The following CNBD1 variants were observed in gnomAD, a reference collection of about 807,000 sequenced individuals.
CNBD1 encodes cyclic nucleotide binding domain containing 1, also known as cyclic nucleotide-binding domain-containing protein 1.
In CNBD1, 71 loss-of-function variants were observed where a neutral mutation model predicts 54.4. The ratio of observed to expected loss-of-function variants is 1.30; its 90% CI spans 1.08 to 1.59. CNBD1 has a LOEUF of 1.59. Among genes scored for constraint, CNBD1 ranks in the 40% most tolerant of loss-of-function variants. CNBD1 has a pLI of 0.00. For synonymous variants in CNBD1, 182 were observed against 170.7 expected (o/e 1.07, Z -0.51); for missense variants, 659 against 518.0 (o/e 1.27, Z -2.64).
intron 8 of CNBD1, among the ~76,000 whole-genome samples, chr8:87,327,035 A>C (rs1809685144): frequency 6.7e-6 from 1 of 150,060 alleles, no homozygotes. Flanking sequence ...CAGCACCCTC[A>C]GCTGCAGATC....
intron 6 of CNBD1, among the ~76,000 whole-genome samples, chr8:87,260,185 C>A (rs1808106923): frequency 6.6e-6 from 1 of 152,134 alleles, no homozygotes; most frequent in Non-Finnish European, 1.5e-5. Flanking sequence ...TTTAACTACT[C>A]CAGATAATTT....
At chr8:87,365,033 G>T (rs973332379) in intron 10 of CNBD1, among the ~76,000 whole-genome samples, 1 of 152,142 alleles carries the variant, frequency 6.6e-6, no homozygotes, top group Non-Finnish European at 1.5e-5. Flanking sequence ...GGATCAAATG[G>T]TAGTTCTTGT....
At chr8:86,944,106 A>G (rs1807404906) in intron 4 of CNBD1, among the ~76,000 whole-genome samples, 1 of 152,204 alleles carries the variant, frequency 6.6e-6, no homozygotes. Context: ...GCAATTGGCA[A>G]AGGGGCAGCA....
intron 4 of CNBD1, among the ~76,000 whole-genome samples, chr8:87,186,170 A>C (rs530900287): frequency 2.6e-5 from 4 of 152,070 alleles, no homozygotes; most frequent in Non-Finnish European, 4.4e-5. Context: ...ATTTTTTTCT[A>C]TAGTAATTTG....
intron 4 of CNBD1, among the ~76,000 whole-genome samples, chr8:87,010,777 A>T (rs939312919): frequency 6.6e-6 from 1 of 152,162 alleles, no homozygotes; most frequent in African/African-American, 2.4e-5. Flanking sequence ...CCATTCTGTG[A>T]TAAAATTCTC....
chr8:87,275,951 A>T lies in CNBD1; in HGVS notation c.772-8727A>T, dbSNP rs553479655. Among the ~76,000 whole-genome samples the T allele has an allele frequency of 2.6e-5, 4 of 152,128 alleles. No individual in the cohort carries two copies. In the South Asian group the frequency reaches 6.2e-4, roughly 24 times the overall value. On this transcript the variant is annotated intron_variant, in intron 6 of 10. Transcript: ENST00000518476. ...ATAACAGACAGAGAGCCAAATCATG[A>T]GTGAACTCCCATTCACAATTGCTTC... is the stretch of plus-strand genomic sequence containing the variant.
intron 8 of CNBD1, among the ~76,000 whole-genome samples, chr8:87,287,367 G>T (rs564008154): frequency 6.6e-6 from 1 of 152,244 alleles, no homozygotes; most frequent in African/African-American, 2.4e-5. Context: ...AAACACAATT[G>T]CTACATGAGA....
intron 4 of CNBD1, among the ~76,000 whole-genome samples, chr8:86,939,985 T>C (rs964192571): frequency 1.3e-5 from 2 of 152,138 alleles, no homozygotes; most frequent in Non-Finnish European, 2.9e-5. Flanking sequence ...TGACCCATTA[T>C]TTTAAAATTA....
chr8:86,983,062 G>A (rs1373736713), intron 4 of CNBD1, among the ~76,000 whole-genome samples: 1 of 152,190 alleles, frequency 6.6e-6, no homozygotes, highest in Non-Finnish European at 1.5e-5. Flanking sequence ...ATGATGCTGA[G>A]TGATATGGTT....
intron 2 of CNBD1, among the ~76,000 whole-genome samples, chr8:87,394,531 G>C (rs1811374628): frequency 6.6e-6 from 1 of 151,792 alleles, no homozygotes; most frequent in Admixed American, 6.6e-5. Flanking sequence ...AAGAATAAGT[G>C]GTGAGAAAGG....
intron 2 of CNBD1, among the ~76,000 whole-genome samples, chr8:86,890,202 T>C (rs752924165): frequency 6.6e-6 from 1 of 152,094 alleles, no homozygotes; most frequent in East Asian, 1.9e-4. Flanking sequence ...TTTTTACTCC[T>C]GTTTAATTGA....
Position 87,084,630 on chromosome 8 carries a change from C to G in CNBD1, c.432-121363C>G, listed in dbSNP as rs779447733. Among the ~76,000 whole-genome samples, 148 of 151,248 alleles carry G rather than the reference C, an allele frequency of 9.8e-4. 1 individual carries two copies. Among genetic ancestry groups the G allele is most frequent in the Non-Finnish European group, 2.7e-4 (18 of 67,846 alleles). On this transcript the variant is annotated intron_variant, in intron 4 of 10. Coordinates refer to ENST00000518476, the MANE Select transcript of CNBD1 (RefSeq NM_173538.3). ...CTTTCAAGATTTTCACTTTTAAAAC[C>G]TTTTCTTTAGTCTTCGTATGATGTA...
At chr8:87,407,315 C>T (rs962689906) in intron 2 of CNBD1, among the ~76,000 whole-genome samples, 3 of 151,904 alleles carry the variant, frequency 2.0e-5, no homozygotes, top group African/African-American at 7.3e-5. Flanking sequence ...TTTCAAGATT[C>T]ATCCATGTTA....
rs762712491 is a variant in CNBD1 at position 87,083,839 on chromosome 8, C to T, written c.432-122154C>T. Among the ~76,000 whole-genome samples, 4 of 152,158 alleles carry T rather than the reference C, an allele frequency of 2.6e-5. No homozygotes were observed. In the East Asian group the frequency reaches 7.8e-4, roughly 30 times the overall value. ...TCATGACCTCGTGATCCGCCTGCCT[C>T]GGCCTCCCAAAGTGCTGGGATTACA... On this transcript the variant is annotated intron_variant, in intron 4 of 10. Coordinates refer to ENST00000518476, the MANE Select transcript of CNBD1 (RefSeq NM_173538.3).
intron 4 of CNBD1, among the ~76,000 whole-genome samples, chr8:87,168,742 G>C (rs1458226758): frequency 6.6e-6 from 1 of 151,962 alleles, no homozygotes; most frequent in Non-Finnish European, 1.5e-5. Context: ...TTCCATCCAT[G>C]TTGTTGAAAA....
rs140136779 is a variant in CNBD1, at chr8:87,063,273, G to A, written c.431+123519G>A. Among the ~76,000 whole-genome samples the A allele has an allele frequency of 1.2e-4, 18 of 152,312 alleles. No homozygotes were observed. The East Asian group carries it at 2.7e-3, about 23-fold the overall frequency. ...TACACCTGTTCAACACAGGGACTGT[G>A]TTCCTGGAAAGAGGAGTGTGGATTT... On this transcript the variant is annotated intron_variant, in intron 4 of 10. Transcript: ENST00000518476.
chr8:87,206,596 T>C lies in CNBD1; in HGVS notation c.577+458T>C, dbSNP rs374450948. 9.2e-5 allele frequency among the ~76,000 whole-genome samples: 14 copies of C among 152,148 alleles called. No individual in the cohort carries two copies. In the East Asian group the frequency reaches 2.5e-3, roughly 27 times the overall value. ...AACAGCAGATAGTCAACATGATTATTTGACTAAGTCAGATACTAACCCAGA... is the reference window on the plus strand; with the variant it reads ...AACAGCAGATAGTCAACATGATTATCTGACTAAGTCAGATACTAACCCAGA... On this transcript the variant is annotated intron_variant, in intron 5 of 10. Transcript: ENST00000518476.
intron 10 of CNBD1, among the ~76,000 whole-genome samples, chr8:87,367,887 G>A (rs1810673812): frequency 6.6e-6 from 1 of 152,052 alleles, no homozygotes; most frequent in African/African-American, 2.4e-5. Flanking sequence ...AAAAGAATAT[G>A]TTGGCCGGGA....
At chr8:87,066,602 G>A (rs1364071337) in intron 4 of CNBD1, among the ~76,000 whole-genome samples, 2 of 151,892 alleles carry the variant, frequency 1.3e-5, no homozygotes, top group Admixed American at 6.6e-5. Flanking sequence ...TATTGATTGT[G>A]TAGGAAGACT....
Sources: gnomAD v4.1 joint callset for allele counts (sites outside exome capture counted in the v4.1 genomes callset) on GRCh38, gnomAD v4.1.1 for gene constraint, MANE v1.5 for transcripts, NCBI Gene and HGNC (gene_info 2026-07-23, HGNC 2026-07-21) for gene names.